Variants in FOXP1 observed in about 807,000 individuals in gnomAD.
FOXP1 encodes forkhead box P1.
FOXP1 carries 15 observed loss-of-function variants against 98.2 expected under a neutral mutation model. That is an observed-to-expected ratio of 0.15 (90% confidence interval 0.10 to 0.24). FOXP1 has a LOEUF of 0.24. Among genes scored for constraint, FOXP1 ranks in the 10% least tolerant of loss-of-function variants. FOXP1 has a pLI of 1.00. For synonymous variants in FOXP1, 371 were observed against 314.5 expected (o/e 1.18, Z -1.90); for missense variants, 633 against 848.5 (o/e 0.75, Z 3.15).
intron 5 of FOXP1, chr3:71,244,953 A>G (rs1379824066): frequency 8.0e-6 from 1 of 125,516 alleles, no homozygotes; most frequent in African/African-American, 3.1e-5. Context: ...AGATGAAGTG[A>G]GGGGGGAAAA....
At chr3:71,401,041 G>A (rs1021590838) in intron 3 of FOXP1, among the ~76,000 whole-genome samples, 11 of 152,154 alleles carry the variant, frequency 7.2e-5, no homozygotes, top group South Asian at 4.2e-4. Flanking sequence ...GAGTCCTTCC[G>A]TACGGGAGTC....
At chr3:70,982,972 T>C (rs970616586) in intron 14 of FOXP1, among the ~76,000 whole-genome samples, 3 of 152,248 alleles carry the variant, frequency 2.0e-5, no homozygotes, top group African/African-American at 4.8e-5. Context: ...GAACTTGTTT[T>C]TCTGCTCTTG....
At chr3:71,250,342 C>T (rs917401702) in intron 5 of FOXP1, among the ~76,000 whole-genome samples, 2 of 152,226 alleles carry the variant, frequency 1.3e-5, no homozygotes, top group African/African-American at 4.8e-5. Flanking sequence ...ATGCCTACAA[C>T]ATCCAATAGG....
Position 70,958,113 on chromosome 3 carries a change from A to G in FOXP1, c.*1134T>C, listed in dbSNP as rs2032258459. 1 of 374,100 alleles carries G rather than the reference A, an allele frequency of 2.7e-6. No homozygotes were observed. Among genetic ancestry groups the G allele is most frequent in the Non-Finnish European group, 5.1e-6 (1 of 197,496 alleles). 23.2% of individuals were successfully genotyped at this position (374,100 alleles called of 1,614,324 possible). On this transcript the variant is annotated 3_prime_UTR_variant, in exon 21 of 21. Transcript: ENST00000649528. ...CCAAGGCCATATTGTCAGTCTAATT[A>G]ATATGAGCTTTTTTTTTTTTTTCAG... is the stretch of plus-strand genomic sequence containing the variant.
At chr3:71,144,288 G>A (rs2060202991) in intron 6 of FOXP1, among the ~76,000 whole-genome samples, 1 of 152,180 alleles carries the variant, frequency 6.6e-6, no homozygotes, top group South Asian at 2.1e-4. Flanking sequence ...ACTCTCTGTG[G>A]CCTCTTTCTC....
intron 5 of FOXP1, among the ~76,000 whole-genome samples, chr3:71,208,006 A>G (rs11928137): frequency 0.16 from 24,522 of 152,288 alleles, 2,252 homozygotes; most frequent in Middle Eastern, 0.31. Flanking sequence ...TACATTATGC[A>G]TATTAACTGT....
At chr3:71,138,941 C>T (rs752641646) in intron 6 of FOXP1, among the ~76,000 whole-genome samples, 1 of 152,040 alleles carries the variant, frequency 6.6e-6, no homozygotes, top group Non-Finnish European at 1.5e-5. Flanking sequence ...TACCTATAAT[C>T]ACTTACACAT....
At chr3:71,556,007 A>T (rs2046100767) in intron 2 of FOXP1, among the ~76,000 whole-genome samples, 1 of 152,104 alleles carries the variant, frequency 6.6e-6, no homozygotes, top group Non-Finnish European at 1.5e-5. Context: ...GGGTAGAAAA[A>T]TCTGTCTTAC....
rs558276471 is a variant in FOXP1 at position 71,561,918 on chromosome 3, T to C, written c.-298+19631A>G. Among the ~76,000 whole-genome samples, 425 of 152,350 alleles carry C rather than the reference T, an allele frequency of 2.8e-3. 1 individual carries two copies. Among genetic ancestry groups the C allele is most frequent in the Non-Finnish European group, 4.4e-3 (302 of 68,036 alleles). The stretch of plus-strand genomic sequence containing the variant: ...GAAAGAAAGAAAATGCAAGTAAGTA[T>C]AGCAAACAGCAAGTAAACATTTTTC... On this transcript the variant is annotated intron_variant, in intron 2 of 20. Transcript: ENST00000649528.
chr3:71,549,832 A>G (rs2045632856), intron 2 of FOXP1, among the ~76,000 whole-genome samples: 1 of 140,884 alleles, frequency 7.1e-6, no homozygotes. Context: ...ATGGTAAATT[A>G]TATTACAGAA....
intron 3 of FOXP1, among the ~76,000 whole-genome samples, chr3:71,470,594 G>A (rs953706880): frequency 6.6e-6 from 1 of 152,054 alleles, no homozygotes; most frequent in African/African-American, 2.4e-5. Context: ...CAAAAAATTA[G>A]CCAGACGTGG....
chr3:71,121,389 G>T (rs1485111178), intron 6 of FOXP1, among the ~76,000 whole-genome samples: 2 of 150,920 alleles, frequency 1.3e-5, no homozygotes, highest in South Asian at 2.1e-4. Context: ...AGGGGGGGGG[G>T]ATATCTATGG....
chr3:71,294,098 T>A (rs997178079), intron 5 of FOXP1, among the ~76,000 whole-genome samples: 5 of 152,194 alleles, frequency 3.3e-5, no homozygotes, highest in African/African-American at 4.8e-5. Flanking sequence ...TTTGTTGTTA[T>A]CAGGGGATGG....
chr3:71,033,663 T>C (rs1039627117), intron 11 of FOXP1, among the ~76,000 whole-genome samples: 5 of 150,880 alleles, frequency 3.3e-5, no homozygotes, highest in Non-Finnish European at 7.4e-5. Context: ...CATGCCAATA[T>C]TTTAAAGATT....
intron 2 of FOXP1, among the ~76,000 whole-genome samples, chr3:71,509,209 G>C (rs2107296722): frequency 6.6e-6 from 1 of 152,298 alleles, no homozygotes; most frequent in South Asian, 2.1e-4. Context: ...AGTCAGCCAG[G>C]GCTGCTGTAA....
chr3:71,315,079 T>TAAAAAAAAAAAAAAAAAAAAAA (rs11355298), intron 4 of FOXP1, among the ~76,000 whole-genome samples: 6 of 70,672 alleles, frequency 8.5e-5, no homozygotes, highest in African/African-American at 2.4e-4. Flanking sequence ...CTGGTCCATG[T>TAAAAAAAAAAAAAAAAAAAAAA]AAAAAAAAAA....
chr3:71,534,911 T>C (rs546427467), intron 2 of FOXP1, among the ~76,000 whole-genome samples: 27 of 152,316 alleles, frequency 1.8e-4, no homozygotes, highest in Admixed American at 2.0e-4. Context: ...AGCTGACCTA[T>C]GAGGGACACA....
chr3:71,089,527 G>A (rs1306467984), intron 7 of FOXP1, among the ~76,000 whole-genome samples: 2 of 152,198 alleles, frequency 1.3e-5, no homozygotes, highest in African/African-American at 4.8e-5. Flanking sequence ...CTAAGGTTTG[G>A]AGTAAATAAC....
intron 7 of FOXP1, among the ~76,000 whole-genome samples, chr3:71,078,048 T>C (rs1407911455): frequency 6.6e-6 from 1 of 152,206 alleles, no homozygotes; most frequent in East Asian, 1.9e-4. Context: ...GTCAGGCTGC[T>C]CTCGAACTCC....
Sources: allele counts gnomAD v4.1 joint callset (sites outside exome capture counted in the v4.1 genomes callset), GRCh38; gene constraint gnomAD v4.1.1; transcripts MANE v1.5; gene names NCBI Gene and HGNC (gene_info 2026-07-23, HGNC 2026-07-21).